Variants in SYT13 observed in about 807,000 individuals in gnomAD.
SYT13 encodes synaptotagmin-13.
Under a neutral mutation model 38.6 loss-of-function variants are expected in SYT13, and 21 were observed. That is an observed-to-expected ratio of 0.54 (90% confidence interval 0.39 to 0.78). SYT13 has a LOEUF of 0.78. Ranked by LOEUF, SYT13 falls within the 30% of genes least tolerant of loss-of-function variation. The probability of loss-of-function intolerance (pLI) is 0.00; values close to 1 mark genes in which losing one functional copy is unlikely to be tolerated. For missense variants in SYT13, 495 were observed against 548.7 expected (o/e 0.90, Z 0.98); for synonymous variants, 241 against 237.6 (o/e 1.01, Z -0.13).
At chr11:45,256,513 C>G (rs1854749131) in intron 1 of SYT13, among the ~76,000 whole-genome samples, 1 of 152,196 alleles carries the variant, frequency 6.6e-6, no homozygotes, top group Non-Finnish European at 1.5e-5. Flanking sequence ...CACCTGAAGT[C>G]TGAACCAAGG....
chr11:45,249,230 A>G lies in SYT13; in HGVS notation c.847-2718T>C, dbSNP rs758076583. 2.6e-5 allele frequency among the ~76,000 whole-genome samples: 4 copies of G among 152,334 alleles called. No homozygotes were observed. In the South Asian group the frequency reaches 8.3e-4, roughly 32 times the overall value. ...CCATCTCACGCCAGTTAGAATGGCG[A>G]TCATTAAAGTCAGGAAACAACAGAA... is the stretch of plus-strand genomic sequence containing the variant. On this transcript the variant is annotated intron_variant, in intron 4 of 5. Coordinates refer to ENST00000020926, the MANE Select transcript of SYT13 (RefSeq NM_020826.3).
chr11:45,275,959 C>A (rs760198676), intron 1 of SYT13, among the ~76,000 whole-genome samples: 2 of 152,190 alleles, frequency 1.3e-5, no homozygotes, highest in Non-Finnish European at 2.9e-5. Flanking sequence ...ACACTCCATT[C>A]CTCTCACGAG....
intron 1 of SYT13, among the ~76,000 whole-genome samples, chr11:45,271,115 G>A (rs1854944203): frequency 6.6e-6 from 1 of 152,190 alleles, no homozygotes; most frequent in Admixed American, 6.5e-5. Flanking sequence ...GCTCAAGGCA[G>A]ATTCAGCTAA....
chr11:45,275,409 C>A (rs1455258454), intron 1 of SYT13, among the ~76,000 whole-genome samples: 2 of 152,192 alleles, frequency 1.3e-5, no homozygotes, highest in Non-Finnish European at 2.9e-5. Context: ...TTCATATATG[C>A]AACTCCCCCT....
chr11:45,240,492 G>A lies in SYT13; in HGVS notation c.*3560C>T, dbSNP rs1854537678. 1 of 152,568 alleles carries A rather than the reference G, an allele frequency of 6.6e-6. No homozygotes were observed. Among genetic ancestry groups the A allele is most frequent in the Non-Finnish European group, 1.5e-5 (1 of 68,036 alleles). The allele number at this position is 152,568 out of a possible 1,614,324, so 9.5% of individuals were successfully genotyped here. A position where few individuals can be genotyped will look rare whatever the true frequency, so the allele number is the denominator to read the frequency against. On this transcript the variant is annotated 3_prime_UTR_variant, in exon 6 of 6. Transcript: ENST00000020926. ...CAAGGACTAGTTGGTTTAGGTTACAGCCACATTTTACCCAGGACTCCTTTA... is the reference window on the plus strand; with the variant it reads ...CAAGGACTAGTTGGTTTAGGTTACAACCACATTTTACCCAGGACTCCTTTA...
intron 1 of SYT13, among the ~76,000 whole-genome samples, chr11:45,261,182 A>G (rs185830326): frequency 6.6e-6 from 1 of 152,336 alleles, no homozygotes; most frequent in East Asian, 1.9e-4. Flanking sequence ...CCTCACACCC[A>G]TTAGGATGGC....
chr11:45,276,237 G>A lies in SYT13; in HGVS notation c.183+9788C>T, dbSNP rs185913883. Among the ~76,000 whole-genome samples, 470 of 152,258 alleles carry A rather than the reference G, an allele frequency of 3.1e-3. 2 individuals carry two copies. Among genetic ancestry groups the A allele is most frequent in the African/African-American group, 0.011 (451 of 41,538 alleles). Reference sequence around the variant, plus strand: ...GAATATGTGGCACATATACACCATGGAATACTATGTAGCCATAAAAAAGGA... The same window carrying A: ...GAATATGTGGCACATATACACCATGAAATACTATGTAGCCATAAAAAAGGA... On this transcript the variant is annotated intron_variant, in intron 1 of 5. Coordinates refer to ENST00000020926, the MANE Select transcript of SYT13 (RefSeq NM_020826.3).
chr11:45,255,423 A>G (rs1412002719), intron 2 of SYT13, among the ~76,000 whole-genome samples: 2 of 152,196 alleles, frequency 1.3e-5, no homozygotes, highest in Non-Finnish European at 2.9e-5. Context: ...AGTTGCACAC[A>G]TATGACTAGA....
intron 1 of SYT13, among the ~76,000 whole-genome samples, chr11:45,278,930 T>C (rs1855040562): frequency 6.6e-6 from 1 of 152,238 alleles, no homozygotes; most frequent in African/African-American, 2.4e-5. Flanking sequence ...GTTTACTGTG[T>C]AAAATTTCTG....
intron 1 of SYT13, among the ~76,000 whole-genome samples, chr11:45,278,712 G>T (rs1855038147): frequency 6.6e-6 from 1 of 152,024 alleles, no homozygotes; most frequent in Non-Finnish European, 1.5e-5. Context: ...TGTACCCAAA[G>T]AAGGAACTAG....
intron 1 of SYT13, among the ~76,000 whole-genome samples, chr11:45,262,061 C>T (rs11826315): frequency 0.039 from 5,866 of 152,246 alleles, 416 homozygotes; most frequent in African/African-American, 0.13. Flanking sequence ...AAAGGTGAAG[C>T]AATCCAAATA....
intron 1 of SYT13, among the ~76,000 whole-genome samples, chr11:45,278,047 C>A (rs1855030179): frequency 1.3e-5 from 2 of 152,182 alleles, no homozygotes; most frequent in Admixed American, 1.3e-4. Flanking sequence ...GAGGGAGGAA[C>A]CCACCTTTTT....
At position 45,243,994 on chromosome 11, in the gene SYT13, A is replaced by G; in HGVS notation, c.*58T>C. Reference sequence around the variant, plus strand: ...TCAGAATGAGGAAAGGGGCACAGAAAGGAGGTTGCAGAGGACGGGTCAGGG... The same window carrying G: ...TCAGAATGAGGAAAGGGGCACAGAAGGGAGGTTGCAGAGGACGGGTCAGGG... On this transcript the variant is annotated 3_prime_UTR_variant, in exon 6 of 6. Coordinates refer to ENST00000020926, the MANE Select transcript of SYT13 (RefSeq NM_020826.3). 6.6e-7 allele frequency: 1 copy of G among 1,504,376 alleles called. No individual in the cohort carries two copies. The highest frequency in any genetic ancestry group is 8.9e-7 in the Non-Finnish European group (1 of 1,123,120). 93.2% of individuals were successfully genotyped at this position (1,504,376 alleles called of 1,614,324 possible).
intron 1 of SYT13, among the ~76,000 whole-genome samples, chr11:45,256,092 G>A (rs2135893407): frequency 6.6e-6 from 1 of 152,148 alleles, no homozygotes; most frequent in East Asian, 1.9e-4. Flanking sequence ...TGAGATGTGG[G>A]CCTTGTTCAT....
intron 1 of SYT13, among the ~76,000 whole-genome samples, chr11:45,285,401 C>G (rs1367536227): frequency 6.6e-6 from 1 of 152,192 alleles, no homozygotes; most frequent in East Asian, 1.9e-4. Flanking sequence ...CTGGCTGGAG[C>G]TCAGAGCTGC....
rs1207148087 is a variant in SYT13 at position 45,244,230 on chromosome 11, A to C, written c.1103T>G (p.Leu368Arg). The change falls in exon 6 of 6, where the codon CTG becomes CGG. Residue 368 changes from leucine (L) to arginine (R), a missense_variant. By Grantham distance (102) the Leu-to-Arg change is moderately radical. Coordinates refer to ENST00000020926, the MANE Select transcript of SYT13 (RefSeq NM_020826.3). ...CAGCTCCACACTGGAGGCCTGCAGC[A>C]GGTCGTCAGGCAGCTCAAACATGAT... The part of the protein sequence containing the change: ...EMIMFELPDD[L>R]LQASSVELEV... The C allele has an allele frequency of 1.2e-6, 2 of 1,613,974 alleles. No homozygotes were observed. The highest frequency in any genetic ancestry group is 1.7e-5 in the Admixed American group (1 of 60,008).
chr11:45,267,635 G>A (rs1217666935), intron 1 of SYT13, among the ~76,000 whole-genome samples: 2 of 152,090 alleles, frequency 1.3e-5, no homozygotes, highest in African/African-American at 4.8e-5. Flanking sequence ...AGTCCGCTCA[G>A]CTCCCCCCGG....
At chr11:45,273,817 G>A (rs1191565768) in intron 1 of SYT13, among the ~76,000 whole-genome samples, 1 of 152,328 alleles carries the variant, frequency 6.6e-6, no homozygotes, top group East Asian at 1.9e-4. Flanking sequence ...CTGGAATACT[G>A]TTAATGAATT....
chr11:45,264,099 A>G (rs1231404155), intron 1 of SYT13, among the ~76,000 whole-genome samples: 1 of 152,142 alleles, frequency 6.6e-6, no homozygotes, highest in African/African-American at 2.4e-5. Context: ...CTCATTTGTG[A>G]TAAATATAGA....
Sources: gnomAD v4.1 joint callset for allele counts (sites outside exome capture counted in the v4.1 genomes callset) on GRCh38, gnomAD v4.1.1 for gene constraint, MANE v1.5 for transcripts, NCBI Gene and HGNC (gene_info 2026-07-23, HGNC 2026-07-21) for gene names.